The following ADGRL3 variants were observed in gnomAD, a reference collection of about 807,000 sequenced individuals.
The protein encoded by ADGRL3 is calcium-independent alpha-latrotoxin receptor 3.
ADGRL3 carries 62 observed loss-of-function variants against 153.5 expected under a neutral mutation model. The observed-to-expected ratio is 0.40, with a 90% CI of 0.33 to 0.50. The LOEUF (loss-of-function observed/expected upper bound fraction) is 0.50. ADGRL3 is among the 20% of genes least tolerant of loss of function. The pLI is 0.47. For missense variants in ADGRL3, 1,641 were observed against 1,859.4 expected, an observed-to-expected ratio of 0.88 and a Z score of 2.16; for synonymous variants, 710 against 672.5, an observed-to-expected ratio of 1.06 and a Z score of -0.86.
At chr4:61,896,998 C>A (rs1163072971) in intron 11 of ADGRL3, among the ~76,000 whole-genome samples, 1 of 152,140 alleles carries the variant, frequency 6.6e-6, no homozygotes, top group African/African-American at 2.4e-5. Context: ...AATGTTTTCA[C>A]GATAATTTCT....
intron 4 of ADGRL3, among the ~76,000 whole-genome samples, chr4:61,546,492 T>A (rs1441974263): frequency 6.6e-6 from 1 of 152,182 alleles, no homozygotes; most frequent in Non-Finnish European, 1.5e-5. Context: ...TTCCTAGTTA[T>A]TTTTACTATA....
At chr4:61,587,007 T>G (rs2098949150) in intron 4 of ADGRL3, among the ~76,000 whole-genome samples, 1 of 152,084 alleles carries the variant, frequency 6.6e-6, no homozygotes, top group African/African-American at 2.4e-5. Context: ...AAAAAAAGTG[T>G]GATAAAGATT....
chr4:61,958,413 CT>C (rs2098976001), intron 17 of ADGRL3, among the ~76,000 whole-genome samples: 4 of 136,562 alleles, frequency 2.9e-5, no homozygotes, highest in Non-Finnish European at 6.5e-5. Context: ...TTCTTTCTTT[CT>C]TTCTTTCTTT....
chr4:61,375,939 G>C (rs2096597658), intron 1 of ADGRL3, among the ~76,000 whole-genome samples: 2 of 151,956 alleles, frequency 1.3e-5, no homozygotes, highest in Non-Finnish European at 2.9e-5. Flanking sequence ...TTTCTTTCCT[G>C]AATTGACTCC....
At chr4:61,705,924 TA>T (rs2095850207) in intron 6 of ADGRL3, among the ~76,000 whole-genome samples, 2 of 152,160 alleles carry the variant, frequency 1.3e-5, no homozygotes, top group African/African-American at 4.8e-5. Flanking sequence ...ATTCCATTTA[TA>T]AAGCACAGGC....
chr4:61,514,206 T>C (rs2098479101), intron 3 of ADGRL3, among the ~76,000 whole-genome samples: 1 of 152,140 alleles, frequency 6.6e-6, no homozygotes, highest in Non-Finnish European at 1.5e-5. Flanking sequence ...CTAAGGAAAC[T>C]AGCTGCTTCA....
At position 61,248,830 on chromosome 4, in the gene ADGRL3, G is replaced by C. The variant is rs75812359; in HGVS notation, c.-240+47065G>C. On this transcript the variant is annotated intron_variant, in intron 1 of 26. Coordinates refer to ENST00000683033, the MANE Select transcript of ADGRL3 (RefSeq NM_001387552.1). ...TGGACTGAAAGGAAGGGAATGAATA[G>C]TGTCTAAATCTGCTTTAGGAGAGAG... Among the ~76,000 whole-genome samples the C allele has an allele frequency of 4.9e-3, 750 of 152,250 alleles. 5 individuals are homozygous for C. Among genetic ancestry groups the C allele is most frequent in the African/African-American group, 0.017 (691 of 41,560 alleles).
chr4:61,976,772 C>A (rs923898626), intron 17 of ADGRL3, among the ~76,000 whole-genome samples: 4 of 152,092 alleles, frequency 2.6e-5, no homozygotes, highest in African/African-American at 4.8e-5. Flanking sequence ...GATTGTGAAG[C>A]CTGCAAGTGG....
At chr4:61,476,510 A>G (rs752175469) in intron 2 of ADGRL3, among the ~76,000 whole-genome samples, 26 of 152,044 alleles carry the variant, frequency 1.7e-4, no homozygotes, top group Admixed American at 8.5e-4. Flanking sequence ...GTTCGAGACC[A>G]GCCTGACCAA....
intron 6 of ADGRL3, among the ~76,000 whole-genome samples, chr4:61,685,284 C>T (rs1195609317): frequency 1.3e-5 from 2 of 152,034 alleles, no homozygotes; most frequent in East Asian, 1.9e-4. Context: ...TTCTATCAAA[C>T]AAGTTTATCG....
chr4:61,828,963 G>A (rs963350861), intron 9 of ADGRL3, among the ~76,000 whole-genome samples: 4 of 151,928 alleles, frequency 2.6e-5, no homozygotes, highest in African/African-American at 7.3e-5. Flanking sequence ...ACTATTTCTC[G>A]TGGTCATGCT....
chr4:61,874,666 T>C (rs2098463449), intron 9 of ADGRL3, among the ~76,000 whole-genome samples: 1 of 151,358 alleles, frequency 6.6e-6, no homozygotes, highest in African/African-American at 2.4e-5. Context: ...AAAAGTCTGC[T>C]AGTAAAATAT....
chr4:61,910,712 G>A (rs1307814406), intron 12 of ADGRL3, among the ~76,000 whole-genome samples: 2 of 151,416 alleles, frequency 1.3e-5, no homozygotes, highest in African/African-American at 4.8e-5. Context: ...ATTCCTGTAT[G>A]GAATTCACTA....
At chr4:61,446,890 T>C (rs1310413697) in intron 2 of ADGRL3, among the ~76,000 whole-genome samples, 1 of 152,178 alleles carries the variant, frequency 6.6e-6, no homozygotes, top group African/African-American at 2.4e-5. Flanking sequence ...AGGTGCCAAA[T>C]TTCATGTAGT....
chr4:61,902,999 A>G (rs1469816651), intron 11 of ADGRL3, among the ~76,000 whole-genome samples: 1 of 152,226 alleles, frequency 6.6e-6, no homozygotes, highest in African/African-American at 2.4e-5. Context: ...GAACAAATGA[A>G]TATGTAGGCT....
At position 61,346,941 on chromosome 4, in the gene ADGRL3, C is replaced by T. The variant is rs2151245850; in HGVS notation, c.-239-36183C>T. ...ATGAAAAACTGTGACTGTGAGGTTC[C>T]AAACTGTGTCACATAAAGAAATATT... On this transcript the variant is annotated intron_variant, in intron 1 of 26. Coordinates refer to ENST00000683033, the MANE Select transcript of ADGRL3 (RefSeq NM_001387552.1). Among the ~76,000 whole-genome samples, 2 of 151,976 alleles carry T rather than the reference C, an allele frequency of 1.3e-5. 1 individual carries two copies. Among genetic ancestry groups the T allele is most frequent in the South Asian group, 4.2e-4 (2 of 4,816 alleles).
chr4:62,026,611 G>A lies in ADGRL3; in HGVS notation c.3396-2244G>A, dbSNP rs564271836. Among the ~76,000 whole-genome samples the A allele has an allele frequency of 4.7e-4, 71 of 152,062 alleles. 1 individual carries two copies. Among genetic ancestry groups the A allele is most frequent in the Middle Eastern group, 6.8e-3 (2 of 294 alleles). On this transcript the variant is annotated intron_variant, in intron 21 of 26. Coordinates refer to ENST00000683033, the MANE Select transcript of ADGRL3 (RefSeq NM_001387552.1). Reference sequence around the variant, plus strand: ...ACTTTGTATTTTAATTTTTAAAAACGTTTTTATAGTACAGAGATAGAGAAC... The same window carrying A: ...ACTTTGTATTTTAATTTTTAAAAACATTTTTATAGTACAGAGATAGAGAAC...
At chr4:61,730,407 T>A (rs2096419156) in intron 6 of ADGRL3, among the ~76,000 whole-genome samples, 1 of 151,874 alleles carries the variant, frequency 6.6e-6, no homozygotes, top group Non-Finnish European at 1.5e-5. Flanking sequence ...TTTCTCAAAG[T>A]TTACATTTTA....
chr4:61,351,600 A>G (rs1162132396), intron 1 of ADGRL3, among the ~76,000 whole-genome samples: 1 of 152,170 alleles, frequency 6.6e-6, no homozygotes, highest in African/African-American at 2.4e-5. Flanking sequence ...GCCAGTGCTC[A>G]CTTATCATTC....
Sources: gnomAD v4.1 joint callset for allele counts (sites outside exome capture counted in the v4.1 genomes callset) on GRCh38, gnomAD v4.1.1 for gene constraint, MANE v1.5 for transcripts, NCBI Gene and HGNC (gene_info 2026-07-23, HGNC 2026-07-21) for gene names.